Variants in HPSE2 observed in about 807,000 individuals in gnomAD.
HPSE2 encodes the protein inactive heparanase-2.
In HPSE2, 38 loss-of-function variants were observed where a neutral mutation model predicts 60.5. That is an observed-to-expected ratio of 0.63 (90% CI 0.48 to 0.82). The LOEUF is 0.82. Among genes scored for constraint, HPSE2 ranks in the 40% least tolerant of loss-of-function variants. HPSE2 has a pLI of 0.00. For synonymous variants in HPSE2, 295 were observed against 293.2 expected (o/e 1.01, Z -0.06); for missense variants, 713 against 740.4 (o/e 0.96, Z 0.43).
chr10:99,032,138 C>A (rs1235217291), intron 3 of HPSE2, among the ~76,000 whole-genome samples: 1 of 152,146 alleles, frequency 6.6e-6, no homozygotes, highest in Non-Finnish European at 1.5e-5. Flanking sequence ...TTTTACAGAT[C>A]CTGCTGAATG....
At chr10:98,908,151 G>A (rs1038390300) in intron 3 of HPSE2, among the ~76,000 whole-genome samples, 1 of 152,088 alleles carries the variant, frequency 6.6e-6, no homozygotes, top group African/African-American at 2.4e-5. Context: ...TTTACCTGCA[G>A]TAAGTTGTTA....
intron 9 of HPSE2, among the ~76,000 whole-genome samples, chr10:98,495,705 C>A: frequency 3.3e-5 from 1 of 30,432 alleles, no homozygotes; most frequent in Non-Finnish European, 7.0e-5. Flanking sequence ...TTTTTCAGCT[C>A]CAGAATTTTT....
At chr10:99,295,767 C>T in the HPSE2 span, among the ~76,000 whole-genome samples, 4 of 152,110 alleles carry the variant, frequency 2.6e-5, no homozygotes, top group East Asian at 5.8e-4. Context: ...AACACTCCAC[C>T]CAAACCCTGT....
chr10:98,605,857 G>T (rs942410637), intron 9 of HPSE2, among the ~76,000 whole-genome samples: 1 of 152,116 alleles, frequency 6.6e-6, no homozygotes, highest in Non-Finnish European at 1.5e-5. Flanking sequence ...GTGACTGAGC[G>T]TCTTTCCCCC....
chr10:99,097,203 T>C (rs1454353604), intron 3 of HPSE2, among the ~76,000 whole-genome samples: 3 of 152,206 alleles, frequency 2.0e-5, no homozygotes, highest in African/African-American at 7.2e-5. Flanking sequence ...TATTTGCATC[T>C]GTGCTTCAAA....
intron 3 of HPSE2, among the ~76,000 whole-genome samples, chr10:98,828,264 T>G (rs2134641970): frequency 6.6e-6 from 1 of 152,376 alleles, no homozygotes; most frequent in African/African-American, 2.4e-5. Context: ...AATGTTCATG[T>G]ATATTGTCTT....
rs190011880 is a variant in HPSE2, at chr10:99,075,850, G to T, written c.610+68388C>A. Among the ~76,000 whole-genome samples the T allele has an allele frequency of 1.7e-3, 260 of 151,828 alleles. 1 individual carries two copies. The highest frequency in any genetic ancestry group is 6.2e-3 in the African/African-American group (255 of 41,412). ...TATATAGCCACTCTGCTCTCTTTTG[G>T]TTACCATTTACATGGAATATATTTT... is the stretch of plus-strand genomic sequence containing the variant. On this transcript the variant is annotated intron_variant, in intron 3 of 11. Coordinates refer to ENST00000370552, the MANE Select transcript of HPSE2 (RefSeq NM_021828.5).
intron 9 of HPSE2, among the ~76,000 whole-genome samples, chr10:98,593,084 G>A (rs1216826823): frequency 1.3e-5 from 2 of 152,082 alleles, no homozygotes; most frequent in Non-Finnish European, 2.9e-5. Flanking sequence ...TACCTCTTAT[G>A]TGCTAGGTAC....
the HPSE2 span, among the ~76,000 whole-genome samples, chr10:99,309,104 C>G: frequency 6.6e-6 from 1 of 151,998 alleles, no homozygotes; most frequent in African/African-American, 2.4e-5. Context: ...ATGACTCCAT[C>G]TATATGAAAT....
intron 9 of HPSE2, among the ~76,000 whole-genome samples, chr10:98,527,352 C>T (rs1043500754): frequency 8.5e-5 from 13 of 152,278 alleles, no homozygotes; most frequent in African/African-American, 2.6e-4. Flanking sequence ...TATGGTGATC[C>T]GCACACTCTG....
At chr10:99,047,656 G>A in intron 3 of HPSE2, 1 of 750,856 alleles carries the variant, frequency 1.3e-6, no homozygotes, top group Non-Finnish European at 2.4e-6. Flanking sequence ...GTGTAGAAGA[G>A]AAGAAGAAGA....
chr10:98,512,608 G>A, intron 9 of HPSE2, among the ~76,000 whole-genome samples: 1 of 151,668 alleles, frequency 6.6e-6, no homozygotes, highest in African/African-American at 2.4e-5. Context: ...ATTGTCAAAT[G>A]GCTTCCCATT....
chr10:99,195,661 A>T (rs1848371627), intron 2 of HPSE2, among the ~76,000 whole-genome samples: 1 of 152,084 alleles, frequency 6.6e-6, no homozygotes, highest in Admixed American at 6.6e-5. Flanking sequence ...AAAGAAGTAA[A>T]CAATCTCTAC....
chr10:98,869,924 G>C (rs1360276490), intron 3 of HPSE2, among the ~76,000 whole-genome samples: 1 of 151,980 alleles, frequency 6.6e-6, no homozygotes, highest in Non-Finnish European at 1.5e-5. Context: ...GCCTGACTTG[G>C]AGCTTCAAGA....
At chr10:98,709,779 G>A (rs1487353717) in intron 5 of HPSE2, among the ~76,000 whole-genome samples, 1 of 152,148 alleles carries the variant, frequency 6.6e-6, no homozygotes, top group South Asian at 2.1e-4. Flanking sequence ...TTCTCTCCCA[G>A]GGCATATCAC....
chr10:99,016,049 C>T (rs909598194), intron 3 of HPSE2, among the ~76,000 whole-genome samples: 1 of 152,082 alleles, frequency 6.6e-6, no homozygotes, highest in Admixed American at 6.6e-5. Context: ...TAATCAGATC[C>T]CATTTGTCAA....
chr10:98,815,829 C>T lies in HPSE2; in HGVS notation c.611-71773G>A, dbSNP rs564660426. Among the ~76,000 whole-genome samples the T allele has an allele frequency of 3.3e-5, 5 of 151,934 alleles. No homozygotes were observed. In the South Asian group the frequency reaches 6.3e-4, roughly 19 times the overall value. On this transcript the variant is annotated intron_variant, in intron 3 of 11. Transcript: ENST00000370552. The stretch of plus-strand genomic sequence containing the variant: ...GTTCTATGTTAGAGTTGGCCAACAA[C>T]GAATTTACGTAAGATTTAAAATGCA...
At chr10:98,797,091 T>C (rs990249967) in intron 3 of HPSE2, among the ~76,000 whole-genome samples, 7 of 152,080 alleles carry the variant, frequency 4.6e-5, no homozygotes, top group African/African-American at 1.7e-4. Flanking sequence ...CTGAAGAACA[T>C]CTACGAGCAT....
At chr10:98,963,947 A>G (rs1214434165) in intron 3 of HPSE2, among the ~76,000 whole-genome samples, 9 of 152,156 alleles carry the variant, frequency 5.9e-5, no homozygotes, top group African/African-American at 1.9e-4. Flanking sequence ...AGCAGAGTCT[A>G]TTATCTAAAC....
Sources: gnomAD v4.1 joint callset for allele counts (sites outside exome capture counted in the v4.1 genomes callset) on GRCh38, gnomAD v4.1.1 for gene constraint, MANE v1.5 for transcripts, NCBI Gene and HGNC (gene_info 2026-07-23, HGNC 2026-07-21) for gene names.